Variants in BRWD1 observed in about 807,000 individuals in gnomAD.
The protein encoded by BRWD1 is bromodomain and WD repeat domain containing 1.
In BRWD1, 82 loss-of-function variants were observed where a neutral mutation model predicts 251.2. The observed-to-expected ratio is 0.33, with a 90% CI of 0.27 to 0.39. The LOEUF (loss-of-function observed/expected upper bound fraction) is 0.39, where lower values mean the gene tolerates loss of function less well. Among genes scored for constraint, BRWD1 ranks in the 10% least tolerant of loss-of-function variants. The pLI is 1.00. For missense variants in BRWD1, 2,233 were observed against 2,711.6 expected, an observed-to-expected ratio of 0.82 and a Z score of 3.92; for synonymous variants, 918 against 902.8, an observed-to-expected ratio of 1.02 and a Z score of -0.30.
chr21:39,215,256 G>A lies in BRWD1; in HGVS notation c.3766C>T (p.Gln1256Ter). Reference protein sequence around the residue: ...IARSAKKITDQLLKFIKNQHC... With the variant: ...IARSAKKITD ...ACTTACTTGATAAATTTTAAAAGTT[G>A]GTCAGTTATCTTTTTAGCTGATCTT... The change falls in exon 32 of 41, where the codon CAA becomes TAA. Residue 1256 changes from glutamine to a stop codon, truncating the protein, a stop_gained. Transcript: ENST00000342449. LOFTEE classifies it high-confidence loss of function. The A allele has an allele frequency of 1.2e-6, 2 of 1,611,304 alleles. No individual in the cohort carries two copies. Among genetic ancestry groups the A allele is most frequent in the Non-Finnish European group, 1.7e-6 (2 of 1,177,840 alleles).
intron 38 of BRWD1, among the ~76,000 whole-genome samples, 187 bp downstream of exon 38, chr21:39,202,138 C>A (rs2032140356): frequency 1.3e-5 from 2 of 152,210 alleles, no homozygotes; most frequent in Admixed American, 1.3e-4. Context: ...GTACCATTCA[C>A]AAAGCATGGC....
At position 39,282,003 on chromosome 21, in the gene BRWD1, CAT is replaced by C. The variant is rs201664622; in HGVS notation, c.832-1757_832-1756del. ...ATGTATATAAATATGTATATATACA[CAT>C]ATGTCAACATATACGTCTATGTATA... On this transcript the variant is annotated intron_variant, in intron 8 of 40. Transcript: ENST00000342449. Among the ~76,000 whole-genome samples the C allele has an allele frequency of 7.1e-3, 1,071 of 151,278 alleles. 13 individuals carry two copies. The highest frequency in any genetic ancestry group is 0.021 in the African/African-American group (882 of 41,262).
intron 8 of BRWD1, among the ~76,000 whole-genome samples, chr21:39,288,802 T>C (rs993528217): frequency 3.3e-5 from 5 of 152,228 alleles, no homozygotes; most frequent in Non-Finnish European, 7.3e-5. Context: ...AAGGTCTTCA[T>C]CCTCATTGTC....
chr21:39,239,197 T>C (rs966645141), intron 21 of BRWD1, among the ~76,000 whole-genome samples: 1 of 152,162 alleles, frequency 6.6e-6, no homozygotes, highest in Non-Finnish European at 1.5e-5. Flanking sequence ...TAGTCCAAAT[T>C]TTTTATATTT....
Position 39,189,670 on chromosome 21 carries a change from A to C in BRWD1, c.*6589T>G. On this transcript the variant is annotated 3_prime_UTR_variant, in exon 41 of 41. Coordinates refer to ENST00000342449, the MANE Select transcript of BRWD1 (RefSeq NM_033656.4). ...GATAAAAACAATCTGAGGAAGACAAAACTGTGGAGAATTTTTTTAAATACA... is the reference window on the plus strand; with the variant it reads ...GATAAAAACAATCTGAGGAAGACAACACTGTGGAGAATTTTTTTAAATACA... The C allele has an allele frequency of 1.0e-6, 1 of 981,954 alleles. No homozygotes were observed. The highest frequency in any genetic ancestry group is 1.2e-6 in the Non-Finnish European group (1 of 826,766). 60.8% of individuals were successfully genotyped at this position (981,954 alleles called of 1,614,324 possible). A position where few individuals can be genotyped will look rare whatever the true frequency, so the allele number is the denominator to read the frequency against.
intron 20 of BRWD1, among the ~76,000 whole-genome samples, chr21:39,248,370 G>T (rs1421271766): frequency 6.6e-6 from 1 of 152,004 alleles, no homozygotes; most frequent in Non-Finnish European, 1.5e-5. Flanking sequence ...CCAGCACTTT[G>T]GGAGGACAAG....
chr21:39,289,339 G>A (rs1424057972), intron 8 of BRWD1, among the ~76,000 whole-genome samples: 1 of 152,182 alleles, frequency 6.6e-6, no homozygotes, highest in Non-Finnish European at 1.5e-5. Context: ...AAAGATCTCA[G>A]AATACTGAAG....
chr21:39,296,960 A>C (rs574349971), intron 5 of BRWD1: 1 of 985,084 alleles, frequency 1.0e-6, no homozygotes, highest in African/African-American at 1.7e-5. Context: ...TACTACCATG[A>C]CTTTAGTCTC....
intron 1 of BRWD1, among the ~76,000 whole-genome samples, chr21:39,320,673 T>TC (rs1213977227): frequency 5.4e-5 from 8 of 148,640 alleles, no homozygotes; most frequent in Non-Finnish European, 1.0e-4. Flanking sequence ...ATATCTTTTT[T>TC]TTTTTTTTTT....
At chr21:39,210,740 C>G (rs1167910086) in intron 35 of BRWD1, 46 bp downstream of exon 35, 3 of 1,555,474 alleles carry the variant, frequency 1.9e-6, no homozygotes, top group South Asian at 1.2e-5. Context: ...AGTTTCCTCA[C>G]TGCAAAACAA....
At chr21:39,305,800 G>A (rs1258005234) in intron 4 of BRWD1, among the ~76,000 whole-genome samples, 1 of 150,092 alleles carries the variant, frequency 6.7e-6, no homozygotes, top group Non-Finnish European at 1.5e-5. Flanking sequence ...GGAGGCGGAG[G>A]TTGCAGTGAG....
chr21:39,194,974 GCA>G lies in BRWD1; in HGVS notation c.*1283_*1284del. ...CCATTTGAATCAAGTCCATCTTCAGGCACAAACAAGTTAGGAATGGCCATCTA... is the reference window on the plus strand; with the variant it reads ...CCATTTGAATCAAGTCCATCTTCAGGCAAACAAGTTAGGAATGGCCATCTA... On this transcript the variant is annotated 3_prime_UTR_variant, in exon 41 of 41. Coordinates refer to ENST00000342449, the MANE Select transcript of BRWD1 (RefSeq NM_033656.4). The G allele has an allele frequency of 7.0e-7, 1 of 1,419,486 alleles. No individual in the cohort carries two copies. Among genetic ancestry groups the G allele is most frequent in the Admixed American group, 2.8e-5 (1 of 36,210 alleles). The allele number at this position is 1,419,486 out of a possible 1,614,324, so 87.9% of individuals were successfully genotyped here.
intron 21 of BRWD1, among the ~76,000 whole-genome samples, chr21:39,246,720 G>A (rs2034202008): frequency 6.6e-6 from 1 of 152,196 alleles, no homozygotes; most frequent in African/African-American, 2.4e-5. Flanking sequence ...CTACACAAAT[G>A]CTCAACATAC....
intron 27 of BRWD1, among the ~76,000 whole-genome samples, chr21:39,226,373 G>A (rs1476089187): frequency 6.6e-6 from 1 of 152,034 alleles, no homozygotes; most frequent in Non-Finnish European, 1.5e-5. Flanking sequence ...GAAGCAAAAT[G>A]AATTAAAGTG....
rs2031727777 is a variant in BRWD1, at chr21:39,194,821, T to C, written c.*1438A>G. Reference sequence around the variant, plus strand: ...ATTGATACCAGTCTGATGCTTCACCTTATCTGCCACTTCAAAGATACACAG... The same window carrying C: ...ATTGATACCAGTCTGATGCTTCACCCTATCTGCCACTTCAAAGATACACAG... On this transcript the variant is annotated 3_prime_UTR_variant, in exon 41 of 41. Coordinates refer to ENST00000342449, the MANE Select transcript of BRWD1 (RefSeq NM_033656.4). The C allele has an allele frequency of 8.5e-6, 13 of 1,534,322 alleles. No individual in the cohort carries two copies. Among genetic ancestry groups the C allele is most frequent in the Non-Finnish European group, 9.6e-6 (11 of 1,145,556 alleles).
intron 19 of BRWD1, among the ~76,000 whole-genome samples, chr21:39,251,538 T>C (rs1447307320): frequency 6.6e-6 from 1 of 152,230 alleles, no homozygotes; most frequent in African/African-American, 2.4e-5. Context: ...ATCTTGGCCA[T>C]GTTCCAAGGT....
chr21:39,284,064 G>A (rs1410191680), intron 8 of BRWD1, among the ~76,000 whole-genome samples: 1 of 152,060 alleles, frequency 6.6e-6, no homozygotes, highest in Non-Finnish European at 1.5e-5. Flanking sequence ...GCTTAAGAAC[G>A]TCTACTTTTA....
chr21:39,289,107 T>G (rs1173102652), intron 8 of BRWD1, among the ~76,000 whole-genome samples: 1 of 152,248 alleles, frequency 6.6e-6, no homozygotes, highest in African/African-American at 2.4e-5. Flanking sequence ...AATATAATTA[T>G]GTTTACATTG....
Position 39,187,566 on chromosome 21 carries a change from G to T in BRWD1, c.*8693C>A. Reference sequence around the variant, plus strand: ...ATAAATTTTAAAATGTGATACTAAGGGCTTCTTCACATTGATATAACCTTA... The same window carrying T: ...ATAAATTTTAAAATGTGATACTAAGTGCTTCTTCACATTGATATAACCTTA... On this transcript the variant is annotated 3_prime_UTR_variant, in exon 41 of 41. Coordinates refer to ENST00000342449, the MANE Select transcript of BRWD1 (RefSeq NM_033656.4). 1.4e-6 allele frequency: 2 copies of T among 1,384,354 alleles called. No homozygotes were observed. The highest frequency in any genetic ancestry group is 2.7e-5 in the East Asian group (1 of 37,522). 85.8% of individuals were successfully genotyped at this position (1,384,354 alleles called of 1,614,324 possible).
Sources: gnomAD v4.1 joint callset for allele counts (sites outside exome capture counted in the v4.1 genomes callset) on GRCh38, gnomAD v4.1.1 for gene constraint, MANE v1.5 for transcripts, NCBI Gene and HGNC (gene_info 2026-07-23, HGNC 2026-07-21) for gene names.